The following LRMDA variants were observed in gnomAD, a reference collection of about 807,000 sequenced individuals.
LRMDA encodes leucine rich melanocyte differentiation associated, also known as leucine-rich melanocyte differentiation-associated protein.
Under a neutral mutation model 29.8 loss-of-function variants are expected in LRMDA, and 18 were observed. The ratio of observed to expected loss-of-function variants is 0.60; its 90% confidence interval spans 0.42 to 0.90. The LOEUF (loss-of-function observed/expected upper bound fraction) is 0.90, where lower values mean the gene tolerates loss of function less well. Ranked by LOEUF, LRMDA falls within the 40% of genes least tolerant of loss-of-function variation. LRMDA has a pLI of 0.00. For missense variants in LRMDA, 273 were observed against 273.9 expected, an observed-to-expected ratio of 1.00 and a Z score of 0.02; for synonymous variants, 125 against 109.4, an observed-to-expected ratio of 1.14 and a Z score of -0.89.
chr10:75,788,250 C>T (rs891872273), intron 2 of LRMDA, among the ~76,000 whole-genome samples: 1 of 152,180 alleles, frequency 6.6e-6, no homozygotes, highest in African/African-American at 2.4e-5. Flanking sequence ...GTTTTAGTTT[C>T]TTTTACAAAA....
rs141426887 is a variant in LRMDA, at chr10:75,823,685, A to AGTGTGTGT, written c.132-212286_132-212279dup. Reference sequence around the variant, plus strand: ...TCAATGGATGATTGGATTAAAATGTAGTGTGTGTGTGTGTGTGTGTGTGTG... The same window carrying AGTGTGTGT: ...TCAATGGATGATTGGATTAAAATGTAGTGTGTGTGTGTGTGTGTGTGTGTGTGTGTGTG... On this transcript the variant is annotated intron_variant, in intron 2 of 6. Coordinates refer to ENST00000611255, the MANE Select transcript of LRMDA (RefSeq NM_001305581.2). 4.9e-4 allele frequency among the ~76,000 whole-genome samples: 70 copies of AGTGTGTGT among 144,178 alleles called. 1 individual carries two copies. Among genetic ancestry groups the AGTGTGTGT allele is most frequent in the East Asian group, 2.6e-3 (12 of 4,640 alleles). 94.6% of individuals were successfully genotyped at this position (144,178 alleles called of 152,430 possible). A position where few individuals can be genotyped will look rare whatever the true frequency, so the allele number is the denominator to read the frequency against.
intron 2 of LRMDA, among the ~76,000 whole-genome samples, chr10:75,528,537 G>A (rs1845440086): frequency 6.6e-6 from 1 of 152,198 alleles, no homozygotes; most frequent in Non-Finnish European, 1.5e-5. Context: ...AGAAGACATT[G>A]ACCAGACCAA....
intron 6 of LRMDA, among the ~76,000 whole-genome samples, chr10:76,354,159 A>G (rs551582525): frequency 1.3e-5 from 2 of 152,230 alleles, no homozygotes; most frequent in East Asian, 1.9e-4. Flanking sequence ...CCGAATACAT[A>G]TGGCTCAGGG....
At chr10:75,660,984 A>G (rs1285491629) in intron 2 of LRMDA, among the ~76,000 whole-genome samples, 1 of 152,180 alleles carries the variant, frequency 6.6e-6, no homozygotes, top group Non-Finnish European at 1.5e-5. Context: ...ATCATTAATC[A>G]TACACAATCA....
chr10:75,892,504 T>C (rs1480964385), intron 2 of LRMDA, among the ~76,000 whole-genome samples: 3 of 152,226 alleles, frequency 2.0e-5, no homozygotes, highest in Non-Finnish European at 4.4e-5. Context: ...AGTAATACCA[T>C]TCCCAATTCA....
intron 2 of LRMDA, among the ~76,000 whole-genome samples, chr10:75,776,253 C>T (rs1325840515): frequency 6.6e-6 from 1 of 152,130 alleles, no homozygotes; most frequent in Non-Finnish European, 1.5e-5. Flanking sequence ...CTCTCGAGAA[C>T]TTGAGAATTT....
chr10:75,696,115 A>G (rs1842230934), intron 2 of LRMDA, among the ~76,000 whole-genome samples: 1 of 152,248 alleles, frequency 6.6e-6, no homozygotes, highest in Non-Finnish European at 1.5e-5. Context: ...AATAACAATA[A>G]CAATGATAAT....
intron 5 of LRMDA, among the ~76,000 whole-genome samples, chr10:76,245,072 T>C (rs891561077): frequency 1.3e-5 from 2 of 152,164 alleles, no homozygotes; most frequent in Non-Finnish European, 2.9e-5. Flanking sequence ...GTGATCCCCA[T>C]GAGGTCAGTG....
chr10:76,103,430 T>C (rs1849428370), intron 5 of LRMDA, among the ~76,000 whole-genome samples: 2 of 152,170 alleles, frequency 1.3e-5, no homozygotes, highest in Non-Finnish European at 2.9e-5. Flanking sequence ...GCTCTTCTGA[T>C]CCCGGGGGCC....
Position 76,516,278 on chromosome 10 carries a change from T to A in LRMDA, c.602-40931T>A, listed in dbSNP as rs550122896. ...ATCACAATCAGAACATAAAGCAAAT[T>A]TGTATGAAATGATTAAACAAATAAA... On this transcript the variant is annotated intron_variant, in intron 6 of 6. Coordinates refer to ENST00000611255, the MANE Select transcript of LRMDA (RefSeq NM_001305581.2). Among the ~76,000 whole-genome samples the A allele has an allele frequency of 4.4e-3, 668 of 152,214 alleles. 1 individual carries two copies. The highest frequency in any genetic ancestry group is 0.015 in the African/African-American group (624 of 41,556).
At chr10:76,173,878 T>A (rs1850884713) in intron 5 of LRMDA, among the ~76,000 whole-genome samples, 2 of 152,144 alleles carry the variant, frequency 1.3e-5, no homozygotes, top group African/African-American at 2.4e-5. Flanking sequence ...GCTAGGATGG[T>A]CTCAATCTTC....
intron 2 of LRMDA, among the ~76,000 whole-genome samples, chr10:76,032,295 C>CCCCCATG (rs1380715144): frequency 6.6e-6 from 1 of 152,196 alleles, no homozygotes; most frequent in Non-Finnish European, 1.5e-5. Context: ...ACCCATGGCC[C>CCCCCATG]CCCCATGCCA....
chr10:75,897,137 G>T (rs904360697), intron 2 of LRMDA, among the ~76,000 whole-genome samples: 8 of 152,108 alleles, frequency 5.3e-5, no homozygotes, highest in African/African-American at 2.4e-5. Flanking sequence ...CCATTCTTCC[G>T]CCATGTATAA....
chr10:75,708,323 A>T (rs1480829509), intron 2 of LRMDA, among the ~76,000 whole-genome samples: 1 of 152,202 alleles, frequency 6.6e-6, no homozygotes, highest in East Asian at 1.9e-4. Flanking sequence ...GCCAGAATAC[A>T]TAAACAATCT....
chr10:75,755,752 C>T (rs964649809), intron 2 of LRMDA, among the ~76,000 whole-genome samples: 12 of 152,310 alleles, frequency 7.9e-5, no homozygotes, highest in Admixed American at 1.3e-4. Context: ...ATCGCGGCAG[C>T]GGCATCAAAA....
At chr10:76,286,362 C>T (rs1378311069) in intron 5 of LRMDA, among the ~76,000 whole-genome samples, 2 of 152,202 alleles carry the variant, frequency 1.3e-5, no homozygotes, top group African/African-American at 2.4e-5. Context: ...GTCCATTAAC[C>T]AACCCGGTGA....
intron 5 of LRMDA, among the ~76,000 whole-genome samples, chr10:76,305,620 C>T (rs1840544783): frequency 6.6e-6 from 1 of 152,154 alleles, no homozygotes; most frequent in Non-Finnish European, 1.5e-5. Flanking sequence ...TTTTGCATTT[C>T]CTTTGGCTTC....
At chr10:76,076,325 G>A (rs571358691) in intron 5 of LRMDA, among the ~76,000 whole-genome samples, 31 of 115,972 alleles carry the variant, frequency 2.7e-4, no homozygotes, top group African/African-American at 9.4e-4. Context: ...CAGCCTGGGC[G>A]ACAGAGCGAG....
intron 5 of LRMDA, among the ~76,000 whole-genome samples, chr10:76,075,346 A>G (rs1848940316): frequency 6.6e-6 from 1 of 152,202 alleles, no homozygotes; most frequent in South Asian, 2.1e-4. Context: ...ATGCACAGAG[A>G]GATGACCAAG....
Sources: allele counts gnomAD v4.1 joint callset (sites outside exome capture counted in the v4.1 genomes callset), GRCh38; gene constraint gnomAD v4.1.1; transcripts MANE v1.5; gene names NCBI Gene and HGNC (gene_info 2026-07-23, HGNC 2026-07-21).